KCNT2: variants seen among roughly 807,000 people sequenced by gnomAD.
KCNT2 encodes potassium channel subfamily T member 2.
Under a neutral mutation model 153.8 loss-of-function variants are expected in KCNT2, and 67 were observed. The ratio of observed to expected loss-of-function variants is 0.44; its 90% CI spans 0.36 to 0.53. The LOEUF (loss-of-function observed/expected upper bound fraction) is 0.53, where lower values mean the gene tolerates loss of function less well. Ranked by LOEUF, KCNT2 falls within the 20% of genes least tolerant of loss-of-function variation. The probability of loss-of-function intolerance (pLI) is 0.00; values close to 1 mark genes in which losing one functional copy is unlikely to be tolerated. For missense variants in KCNT2, 975 were observed against 1,354.8 expected (o/e 0.72, Z 4.40); for synonymous variants, 500 against 458.8 (o/e 1.09, Z -1.15).
intron 1 of KCNT2, among the ~76,000 whole-genome samples, chr1:196,499,365 G>A (rs1380619614): frequency 3.9e-5 from 6 of 152,146 alleles, no homozygotes; most frequent in Admixed American, 6.5e-5. Flanking sequence ...GTCATACCAC[G>A]TTCATTCATT....
At chr1:196,276,127 T>G (rs1321464516) in intron 25 of KCNT2, among the ~76,000 whole-genome samples, 1 of 152,066 alleles carries the variant, frequency 6.6e-6, no homozygotes, top group Non-Finnish European at 1.5e-5. Flanking sequence ...GACTTCTCAC[T>G]CTGCAAGAAG....
intron 13 of KCNT2, among the ~76,000 whole-genome samples, chr1:196,397,119 G>GTAAAAT (rs1671003094): frequency 2.0e-5 from 3 of 151,452 alleles, no homozygotes; most frequent in African/African-American, 7.2e-5. Context: ...CAGGAAATAA[G>GTAAAAT]GCTCAAAATA....
chr1:196,430,405 TC>T (rs1674047636), intron 8 of KCNT2, among the ~76,000 whole-genome samples: 1 of 147,486 alleles, frequency 6.8e-6, no homozygotes, highest in Non-Finnish European at 1.5e-5. Context: ...TCTCTCTCTC[TC>T]TTTCTCTCTC....
intron 14 of KCNT2, among the ~76,000 whole-genome samples, 192 bp from the exon 15 acceptor site, chr1:196,342,420 C>CTATATATATATATATATA (rs71154738): frequency 3.8e-5 from 5 of 132,756 alleles, no homozygotes; most frequent in African/African-American, 1.5e-4. Flanking sequence ...ATTTTGAATA[C>CTATATATATATATATATA]TATATATATA....
chr1:196,286,483 T>A (rs188962163), intron 22 of KCNT2, among the ~76,000 whole-genome samples: 1 of 152,080 alleles, frequency 6.6e-6, no homozygotes, highest in Non-Finnish European at 1.5e-5. Context: ...AGTACTTTGT[T>A]CTAGTAGCCC....
intron 14 of KCNT2, among the ~76,000 whole-genome samples, chr1:196,356,971 T>C (rs1205560114): frequency 6.6e-6 from 1 of 151,906 alleles, no homozygotes; most frequent in Admixed American, 6.6e-5. Flanking sequence ...TACTAGGTAC[T>C]TTTTAACTTA....
At chr1:196,444,734 T>G (rs1329442171) in intron 8 of KCNT2, among the ~76,000 whole-genome samples, 1 of 151,334 alleles carries the variant, frequency 6.6e-6, no homozygotes. Flanking sequence ...CCCTGAAGAC[T>G]CTAACAGCAC....
chr1:196,238,172 A>C (rs1654612663), intron 26 of KCNT2, among the ~76,000 whole-genome samples: 1 of 151,938 alleles, frequency 6.6e-6, no homozygotes, highest in Non-Finnish European at 1.5e-5. Flanking sequence ...ATCAACACCT[A>C]GCCTTTATCC....
At chr1:196,390,951 A>T (rs542787994) in intron 13 of KCNT2, among the ~76,000 whole-genome samples, 1 of 149,126 alleles carries the variant, frequency 6.7e-6, no homozygotes, top group East Asian at 2.0e-4. Context: ...AACCAAAACC[A>T]ATTACTTCTG....
At chr1:196,292,389 C>G (rs894613260) in intron 22 of KCNT2, among the ~76,000 whole-genome samples, 5 of 152,156 alleles carry the variant, frequency 3.3e-5, no homozygotes, top group African/African-American at 1.2e-4. Flanking sequence ...AAGTTAAAAG[C>G]TATTCCTTCT....
At chr1:196,370,724 G>T (rs1275698991) in intron 14 of KCNT2, among the ~76,000 whole-genome samples, 1 of 152,188 alleles carries the variant, frequency 6.6e-6, no homozygotes, top group East Asian at 1.9e-4. Context: ...GCAAGAAAAT[G>T]AAAGCCTATG....
At chr1:196,333,647 G>A (rs563167326) in intron 17 of KCNT2, among the ~76,000 whole-genome samples, 200 bp downstream of exon 17, 1 of 152,074 alleles carries the variant, frequency 6.6e-6, no homozygotes, top group Non-Finnish European at 1.5e-5. Flanking sequence ...CCAGAAACTT[G>A]AGGGCTTATA....
At chr1:196,385,986 G>C (rs959396215) in intron 13 of KCNT2, among the ~76,000 whole-genome samples, 1 of 151,946 alleles carries the variant, frequency 6.6e-6, no homozygotes, top group African/African-American at 2.4e-5. Context: ...GATATCTAAG[G>C]CTATGCCGTA....
At chr1:196,499,223 T>G (rs755046449) in intron 1 of KCNT2, among the ~76,000 whole-genome samples, 21 of 152,204 alleles carry the variant, frequency 1.4e-4, no homozygotes, top group Non-Finnish European at 2.9e-4. Flanking sequence ...CTACACCCTA[T>G]GTTCAAATTT....
chr1:196,256,815 G>A (rs1656558446), intron 26 of KCNT2, among the ~76,000 whole-genome samples: 2 of 151,478 alleles, frequency 1.3e-5, no homozygotes, highest in South Asian at 2.1e-4. Flanking sequence ...ATAGGGGCTG[G>A]GCAAAATAAG....
intron 1 of KCNT2, among the ~76,000 whole-genome samples, chr1:196,497,952 A>G (rs1680387017): frequency 6.6e-6 from 1 of 152,188 alleles, no homozygotes; most frequent in Admixed American, 6.5e-5. Context: ...TCGAATATGA[A>G]TTGAACAACT....
chr1:196,230,425 G>A (rs192032944), intron 27 of KCNT2, among the ~76,000 whole-genome samples: 1 of 152,068 alleles, frequency 6.6e-6, no homozygotes, highest in East Asian at 1.9e-4. Context: ...CCTTGATAAG[G>A]CACCTGGTCA....
intron 18 of KCNT2, 95 bp downstream of exon 18, chr1:196,331,061 T>C: frequency 4.1e-6 from 3 of 737,594 alleles, no homozygotes; most frequent in South Asian, 3.1e-5. Context: ...CTTAAACATA[T>C]TGTAATCAAA....
chr1:196,470,324 G>T (rs1413262653), intron 5 of KCNT2, among the ~76,000 whole-genome samples: 1 of 152,150 alleles, frequency 6.6e-6, no homozygotes, highest in Non-Finnish European at 1.5e-5. Context: ...AAGAAAAAAA[G>T]GATGACTGGA....
Sources: gnomAD v4.1 joint callset for allele counts (sites outside exome capture counted in the v4.1 genomes callset) on GRCh38, gnomAD v4.1.1 for gene constraint, MANE v1.5 for transcripts, NCBI Gene and HGNC (gene_info 2026-07-23, HGNC 2026-07-21) for gene names.